WDR64: variants seen among roughly 807,000 people sequenced by gnomAD.
WDR64 encodes WD repeat domain 64, also known as WD repeat-containing protein 64.
WDR64 carries 112 observed loss-of-function variants against 139.3 expected under a neutral mutation model. The ratio of observed to expected loss-of-function variants is 0.80; its 90% CI spans 0.69 to 0.94. The LOEUF is 0.94. Ranked by LOEUF, WDR64 falls within the 40% of genes least tolerant of loss-of-function variation. The pLI is 0.00. For synonymous variants in WDR64, 444 were observed against 437.7 expected, an observed-to-expected ratio of 1.01 and a Z score of -0.18; for missense variants, 1,206 against 1,293.1, an observed-to-expected ratio of 0.93 and a Z score of 1.03.
Position 241,660,637 on chromosome 1 carries a change from G to A in WDR64, c.253G>A (p.Asp85Asn), listed in dbSNP as rs201050656. 1.2e-3 allele frequency: 1,823 copies of A among 1,551,530 alleles called. 3 individuals carry two copies. Among genetic ancestry groups the A allele is most frequent in the Admixed American group, 2.2e-3 (114 of 51,004 alleles). Residue 85 changes from aspartate (D) to asparagine (N), a missense_variant, in exon 2 of 28, where the codon GAT (aspartate) becomes AAT (asparagine). Asp to Asn is a conservative substitution (Grantham distance 23). Transcript: ENST00000437684. ...TTACAGGAAACTGTGCAACAACACG[G>A]ATGCATCTGCAGACTGGTGTGAGGT... The part of the protein sequence containing the change: ...RFYRKLCNNT[D>N]ASADWCEIFG...
At chr1:241,660,503 A>C (rs1665783532) in intron 1 of WDR64, 27 bp from the exon 2 acceptor site, 13 of 1,547,550 alleles carry the variant, frequency 8.4e-6, no homozygotes, top group Non-Finnish European at 1.1e-5. Context: ...AATTTGATGA[A>C]AATGGACTGT....
At chr1:241,654,942 T>C (rs751324985) in intron 1 of WDR64, among the ~76,000 whole-genome samples, 1 of 152,182 alleles carries the variant, frequency 6.6e-6, no homozygotes, top group Non-Finnish European at 1.5e-5. Context: ...CTATGTACAG[T>C]ATATGTAAAT....
At chr1:241,688,827 A>G (rs530229737) in intron 8 of WDR64, among the ~76,000 whole-genome samples, 12 of 152,160 alleles carry the variant, frequency 7.9e-5, no homozygotes, top group Non-Finnish European at 1.3e-4. Context: ...AGGGGCCCCT[A>G]TGCTTTTGTG....
intron 13 of WDR64, among the ~76,000 whole-genome samples, chr1:241,748,986 G>T (rs1669877246): frequency 6.7e-6 from 1 of 150,206 alleles, no homozygotes; most frequent in Admixed American, 6.6e-5. Context: ...GAAAAGAAAA[G>T]AAAAACACTC....
At chr1:241,680,124 A>G (rs1472157498) in intron 6 of WDR64, among the ~76,000 whole-genome samples, 1 of 152,190 alleles carries the variant, frequency 6.6e-6, no homozygotes, top group Non-Finnish European at 1.5e-5. Context: ...TTCCTCATGA[A>G]TAAACATAAT....
chr1:241,671,057 G>A lies in WDR64; in HGVS notation c.277-17G>A. On this transcript the variant is annotated splice_polypyrimidine_tract_variant and intron_variant, in intron 2 of 27. Coordinates refer to ENST00000437684, the MANE Select transcript of WDR64 (RefSeq NM_001367482.1). ...TGAGGCATGCTGCATATTTATATGT[G>A]CTGTTTGGGATTTCAGATCTTTGGA... 1 of 1,495,854 alleles carries A rather than the reference G, an allele frequency of 6.7e-7. No homozygotes were observed. The highest frequency in any genetic ancestry group is 2.5e-5 in the East Asian group (1 of 40,496). 92.7% of individuals were successfully genotyped at this position (1,495,854 alleles called of 1,614,324 possible). A position where few individuals can be genotyped will look rare whatever the true frequency, so the allele number is the denominator to read the frequency against.
intron 8 of WDR64, among the ~76,000 whole-genome samples, chr1:241,696,222 A>G (rs1045970554): frequency 6.6e-6 from 1 of 150,596 alleles, no homozygotes; most frequent in Non-Finnish European, 1.5e-5. Flanking sequence ...CTCTTCAGAG[A>G]AAGTTCCTTT....
Position 241,683,638 on chromosome 1 carries a change from T to A in WDR64, c.776T>A (p.Ile259Lys). ...RFTVNSDDFG[I>K]KQAKSKRKLQ... ...ACAGTCAACAGTGATGACTTTGGAATAAAGCAGGCAAAATCCAAAAGAAAA... is the reference window on the plus strand; with the variant it reads ...ACAGTCAACAGTGATGACTTTGGAAAAAAGCAGGCAAAATCCAAAAGAAAA... The change falls in exon 7 of 28, where the codon ATA (isoleucine) becomes AAA (lysine). Residue 259 changes from isoleucine to lysine, a missense_variant. By Grantham distance (102) the Ile-to-Lys change is moderately radical. Coordinates refer to ENST00000437684, the MANE Select transcript of WDR64 (RefSeq NM_001367482.1). 4 of 1,551,570 alleles carry A rather than the reference T, an allele frequency of 2.6e-6. No homozygotes were observed. The highest frequency in any genetic ancestry group is 3.5e-6 in the Non-Finnish European group (4 of 1,146,940).
At chr1:241,718,888 A>G (rs1165599856) in intron 9 of WDR64, among the ~76,000 whole-genome samples, 1 of 152,090 alleles carries the variant, frequency 6.6e-6, no homozygotes, top group Non-Finnish European at 1.5e-5. Flanking sequence ...TCTTCTAATA[A>G]GGACATTAAT....
chr1:241,652,739 T>C lies in WDR64; in HGVS notation c.145+110T>C, dbSNP rs150285045. The C allele has an allele frequency of 2.1e-4, 267 of 1,293,168 alleles. No individual in the cohort carries two copies. The African/African-American group carries it at 3.5e-3, about 17-fold the overall frequency. The allele number at this position is 1,293,168 out of a possible 1,614,324, so 80.1% of individuals were successfully genotyped here. A position where few individuals can be genotyped will look rare whatever the true frequency, so the allele number is the denominator to read the frequency against. On this transcript the variant is annotated intron_variant, in intron 1 of 27. Transcript: ENST00000437684. Reference sequence around the variant, plus strand: ...GAGCTTAATGTGAAAGAATGGGTGCTGAAAGGGGATGAAGACCTCAGTTCT... The same window carrying C: ...GAGCTTAATGTGAAAGAATGGGTGCCGAAAGGGGATGAAGACCTCAGTTCT...
chr1:241,732,777 G>C (rs536649283), intron 10 of WDR64, among the ~76,000 whole-genome samples: 78 of 151,820 alleles, frequency 5.1e-4, no homozygotes, highest in African/African-American at 1.9e-3. Context: ...CTGAAATGGT[G>C]CCATTGCACT....
rs367638045 is a variant in WDR64, at chr1:241,711,878, G to A, written c.1051G>A (p.Gly351Arg). 7 of 1,614,036 alleles carry A rather than the reference G, an allele frequency of 4.3e-6. No individual in the cohort carries two copies. In the East Asian group the frequency reaches 6.7e-5, roughly 15 times the overall value. ...TGTTAAGGCAAATGTGATTGTCACTGGAGGTGAGAGGGCGGTTCACATTAC... is the reference window on the plus strand; with the variant it reads ...TGTTAAGGCAAATGTGATTGTCACTAGAGGTGAGAGGGCGGTTCACATTAC... ...YCVKANVIVT[G>R]GDDKVIRLWH... Residue 351 changes from glycine to arginine, a missense_variant, in exon 9 of 28, where the codon GGA becomes AGA. By Grantham distance (125) the Gly-to-Arg change is moderately radical. Transcript: ENST00000437684.
chr1:241,708,777 C>T (rs1436155493), intron 8 of WDR64, among the ~76,000 whole-genome samples: 4 of 141,422 alleles, frequency 2.8e-5, no homozygotes, highest in African/African-American at 1.1e-4. Flanking sequence ...CAGGCTCAAG[C>T]GATCCTCCTA....
At chr1:241,668,323 T>C (rs936326245) in intron 2 of WDR64, among the ~76,000 whole-genome samples, 1 of 151,566 alleles carries the variant, frequency 6.6e-6, no homozygotes, top group Non-Finnish European at 1.5e-5. Flanking sequence ...GCCTGGCCAA[T>C]AGGGTGAAAC....
chr1:241,676,790 C>T (rs1666575654), intron 4 of WDR64, among the ~76,000 whole-genome samples: 1 of 143,614 alleles, frequency 7.0e-6, no homozygotes. Context: ...GCTGTGTTGT[C>T]CAGACTAGTC....
At chr1:241,794,974 T>TA (rs1659319626) in intron 25 of WDR64, among the ~76,000 whole-genome samples, 1 of 152,214 alleles carries the variant, frequency 6.6e-6, no homozygotes, top group African/African-American at 2.4e-5. Flanking sequence ...CCTCTTCTGT[T>TA]AATTTCTTTT....
intron 9 of WDR64, among the ~76,000 whole-genome samples, chr1:241,719,836 T>G (rs57516670): frequency 1.3e-5 from 2 of 152,166 alleles, no homozygotes; most frequent in African/African-American, 2.4e-5. Flanking sequence ...AGGGTACATG[T>G]GAAGGATGTG....
At chr1:241,693,752 G>A (rs957171771) in intron 8 of WDR64, among the ~76,000 whole-genome samples, 3 of 152,058 alleles carry the variant, frequency 2.0e-5, no homozygotes, top group African/African-American at 4.8e-5. Context: ...ACAAGAATCT[G>A]ACTTGTTGCA....
chr1:241,705,541 C>CTAAAAAAA (rs1053792357), intron 8 of WDR64, among the ~76,000 whole-genome samples: 32 of 64,450 alleles, frequency 5.0e-4, no homozygotes, highest in Non-Finnish European at 9.1e-4. Context: ...GACTCTGTCT[C>CTAAAAAAA]TAAAAAAATA....
Sources: gnomAD v4.1 joint callset for allele counts (sites outside exome capture counted in the v4.1 genomes callset) on GRCh38, gnomAD v4.1.1 for gene constraint, MANE v1.5 for transcripts, NCBI Gene and HGNC (gene_info 2026-07-23, HGNC 2026-07-21) for gene names.